Variants in LRP1B observed in about 807,000 individuals in gnomAD.
LRP1B encodes the protein low-density lipoprotein receptor-related protein 1B.
In LRP1B, 217 loss-of-function variants were observed where a neutral mutation model predicts 556.6. That is an observed-to-expected ratio of 0.39 (90% CI 0.35 to 0.44). The LOEUF (loss-of-function observed/expected upper bound fraction) is 0.44. LRP1B is among the 20% of genes least tolerant of loss of function. The pLI is 1.00. For synonymous variants in LRP1B, 2,047 were observed against 1,865.8 expected (o/e 1.10, Z -2.50); for missense variants, 5,053 against 5,620.8 (o/e 0.90, Z 3.23).
chr2:141,564,510 T>C (rs1471091386), intron 2 of LRP1B, among the ~76,000 whole-genome samples: 3 of 152,100 alleles, frequency 2.0e-5, no homozygotes, highest in Non-Finnish European at 4.4e-5. Context: ...GAGTAGAAAT[T>C]ATTCGAATTT....
At chr2:141,923,403 CTATATA>C (rs61682272) in intron 1 of LRP1B, among the ~76,000 whole-genome samples, 2 of 102,110 alleles carry the variant, frequency 2.0e-5, no homozygotes. Context: ...ATCTCTGTCA[CTATATA>C]TATATATATA....
chr2:140,954,007 A>G (rs1357005629), intron 18 of LRP1B, among the ~76,000 whole-genome samples: 1 of 152,176 alleles, frequency 6.6e-6, no homozygotes, highest in Non-Finnish European at 1.5e-5. Flanking sequence ...AGGTTTAAAC[A>G]TTTCTCATAC....
At chr2:141,983,473 A>C (rs1042960603) in intron 1 of LRP1B, among the ~76,000 whole-genome samples, 3 of 152,128 alleles carry the variant, frequency 2.0e-5, no homozygotes, top group Non-Finnish European at 4.4e-5. Context: ...CTGAGCCCCT[A>C]TCTCTTATTG....
rs555403910 is a variant in LRP1B, at chr2:140,605,177, C to A, written c.6800-3538G>T. On this transcript the variant is annotated intron_variant, in intron 41 of 90. Coordinates refer to ENST00000389484, the MANE Select transcript of LRP1B (RefSeq NM_018557.3). Reference sequence around the variant, plus strand: ...CTTACTGGCTTGTTCTCCAAAGCCACAGAATATCAGTTTGTTGATTGAAAT... The same window carrying A: ...CTTACTGGCTTGTTCTCCAAAGCCAAAGAATATCAGTTTGTTGATTGAAAT... Among the ~76,000 whole-genome samples the A allele has an allele frequency of 3.9e-5, 6 of 152,256 alleles. No individual in the cohort carries two copies. The East Asian group carries it at 1.2e-3, about 29-fold the overall frequency.
chr2:140,265,626 A>ATATATTACCAAC (rs1682167001), intron 86 of LRP1B, among the ~76,000 whole-genome samples: 1 of 152,102 alleles, frequency 6.6e-6, no homozygotes, highest in African/African-American at 2.4e-5. Flanking sequence ...GAAGAAAATA[A>ATATATTACCAAC]AAATATATTA....
At chr2:141,786,425 T>C (rs1325801464) in intron 2 of LRP1B, among the ~76,000 whole-genome samples, 1 of 151,910 alleles carries the variant, frequency 6.6e-6, no homozygotes, top group Non-Finnish European at 1.5e-5. Context: ...TAGTATGGTT[T>C]TGAAAGCCGA....
intron 3 of LRP1B, among the ~76,000 whole-genome samples, chr2:141,387,052 C>T (rs1573886937): frequency 6.6e-6 from 1 of 152,012 alleles, no homozygotes; most frequent in East Asian, 1.9e-4. Flanking sequence ...AAAAGATAAA[C>T]TAGAAAACTG....
chr2:141,479,284 C>G (rs1398564336), intron 3 of LRP1B, among the ~76,000 whole-genome samples: 1 of 152,096 alleles, frequency 6.6e-6, no homozygotes. Context: ...CCTGTCAGGC[C>G]CCCAGACAGG....
chr2:140,922,844 G>A (rs936082035), intron 21 of LRP1B, 121 bp downstream of exon 21: 174 of 747,884 alleles, frequency 2.3e-4, no homozygotes, highest in Non-Finnish European at 2.2e-4. Flanking sequence ...TATTATACAT[G>A]AGCACATCTG....
Position 140,885,866 on chromosome 2 carries a change from C to CTT in LRP1B, c.3964+270_3964+271dup, listed in dbSNP as rs80114363. 1.4e-3 allele frequency among the ~76,000 whole-genome samples: 200 copies of CTT among 143,004 alleles called. 2 individuals carry two copies. Among genetic ancestry groups the CTT allele is most frequent in the Admixed American group, 1.7e-3 (24 of 14,226 alleles). 93.8% of individuals were successfully genotyped at this position (143,004 alleles called of 152,430 possible). ...TGACTAATGGTATGTAACAACCAGT[C>CTT]TTTTTTTTTTTCTTGTAAATGCATT... On this transcript the variant is annotated intron_variant, in intron 24 of 90. Transcript: ENST00000389484.
intron 41 of LRP1B, among the ~76,000 whole-genome samples, chr2:140,668,916 G>A (rs1226701849): frequency 6.6e-6 from 1 of 152,164 alleles, no homozygotes; most frequent in East Asian, 1.9e-4. Context: ...TATATTAAAG[G>A]TATTTATGTA....
At chr2:140,612,449 C>A (rs1574142427) in intron 41 of LRP1B, among the ~76,000 whole-genome samples, 1 of 152,112 alleles carries the variant, frequency 6.6e-6, no homozygotes, top group African/African-American at 2.4e-5. Context: ...CCCCATCATT[C>A]TTAATGACTT....
chr2:141,271,303 T>G (rs1026583891), intron 3 of LRP1B, among the ~76,000 whole-genome samples: 3 of 147,276 alleles, frequency 2.0e-5, no homozygotes, highest in Non-Finnish European at 4.5e-5. Flanking sequence ...AGCAAAATAA[T>G]AAGAAGAAAA....
At chr2:140,927,376 G>A (rs1011898053) in intron 20 of LRP1B, among the ~76,000 whole-genome samples, 3 of 152,032 alleles carry the variant, frequency 2.0e-5, no homozygotes, top group East Asian at 1.9e-4. Flanking sequence ...CTGCAGTTAC[G>A]CACATGATAA....
At chr2:141,799,774 G>C (rs934036402) in intron 2 of LRP1B, among the ~76,000 whole-genome samples, 1 of 150,728 alleles carries the variant, frequency 6.6e-6, no homozygotes, top group Non-Finnish European at 1.5e-5. Context: ...AAACTTCACT[G>C]TTACGTTTAA....
At chr2:141,850,191 A>G (rs987839476) in intron 1 of LRP1B, among the ~76,000 whole-genome samples, 4 of 151,712 alleles carry the variant, frequency 2.6e-5, no homozygotes, top group Admixed American at 6.6e-5. Flanking sequence ...TTAATTATCA[A>G]TCCAACTTCA....
chr2:140,816,574 A>G (rs1691131165), intron 31 of LRP1B, among the ~76,000 whole-genome samples: 1 of 152,138 alleles, frequency 6.6e-6, no homozygotes, highest in African/African-American at 2.4e-5. Flanking sequence ...CACAAAAACA[A>G]TATTTAAAGT....
At chr2:141,720,962 G>A (rs1218896887) in intron 2 of LRP1B, among the ~76,000 whole-genome samples, 4 of 152,084 alleles carry the variant, frequency 2.6e-5, no homozygotes, top group African/African-American at 9.7e-5. Flanking sequence ...ATAATCAAGA[G>A]GATGTTCTTT....
chr2:141,728,367 C>A (rs1462377951), intron 2 of LRP1B, among the ~76,000 whole-genome samples: 1 of 152,120 alleles, frequency 6.6e-6, no homozygotes, highest in East Asian at 1.9e-4. Context: ...ATGATCTCGC[C>A]CTCCAACTGT....
Sources: gnomAD v4.1 joint callset for allele counts (sites outside exome capture counted in the v4.1 genomes callset) on GRCh38, gnomAD v4.1.1 for gene constraint, MANE v1.5 for transcripts, NCBI Gene and HGNC (gene_info 2026-07-23, HGNC 2026-07-21) for gene names.